The following ZNF385D variants were observed in gnomAD, a reference collection of about 807,000 sequenced individuals.
ZNF385D encodes zinc finger protein 659.
Under a neutral mutation model 35.8 loss-of-function variants are expected in ZNF385D, and 15 were observed. The ratio of observed to expected loss-of-function variants is 0.42; its 90% CI spans 0.28 to 0.64. The LOEUF (loss-of-function observed/expected upper bound fraction) is 0.64. ZNF385D is among the 30% of genes least tolerant of loss of function. The pLI is 0.23. For synonymous variants in ZNF385D, 212 were observed against 186.8 expected (o/e 1.13, Z -1.10); for missense variants, 474 against 494.6 (o/e 0.96, Z 0.39).
At chr3:22,340,850 G>A (rs1219999797) in intron 2 of ZNF385D, among the ~76,000 whole-genome samples, 1 of 152,192 alleles carries the variant, frequency 6.6e-6, no homozygotes, top group Non-Finnish European at 1.5e-5. Flanking sequence ...AGCCAGGGCA[G>A]GAGCCATGTC....
intron 3 of ZNF385D, among the ~76,000 whole-genome samples, chr3:22,141,675 G>C (rs934095958): frequency 6.6e-6 from 1 of 152,284 alleles, no homozygotes; most frequent in Admixed American, 6.5e-5. Flanking sequence ...GGGGGAGGAG[G>C]AGGAGGAGGG....
chr3:21,545,032 A>C (rs1300078411), intron 3 of ZNF385D, among the ~76,000 whole-genome samples: 1 of 152,212 alleles, frequency 6.6e-6, no homozygotes, highest in African/African-American at 2.4e-5. Context: ...TATGTTCGAA[A>C]ATTGTATGGG....
chr3:22,164,134 A>C (rs889747100), intron 3 of ZNF385D, among the ~76,000 whole-genome samples: 1 of 151,938 alleles, frequency 6.6e-6, no homozygotes, highest in Admixed American at 6.6e-5. Context: ...TCGCTTGTGA[A>C]ATTTATGGCA....
intron 3 of ZNF385D, among the ~76,000 whole-genome samples, chr3:22,136,650 G>A (rs1462314097): frequency 6.6e-6 from 1 of 152,100 alleles, no homozygotes; most frequent in Non-Finnish European, 1.5e-5. Context: ...CAAGCATATC[G>A]CTTTATTAAT....
intron 2 of ZNF385D, among the ~76,000 whole-genome samples, chr3:21,565,159 T>TAATA (rs1266490558): frequency 1.3e-5 from 2 of 152,052 alleles, no homozygotes; most frequent in African/African-American, 4.8e-5. Context: ...TTAGACTCTA[T>TAATA]AATATACAAG....
chr3:22,155,291 T>TG (rs1705514423), intron 3 of ZNF385D, among the ~76,000 whole-genome samples: 2 of 152,102 alleles, frequency 1.3e-5, no homozygotes, highest in African/African-American at 2.4e-5. Flanking sequence ...ATATGGGATG[T>TG]GGGGTCTCCG....
chr3:22,265,926 C>A (rs1018107511), intron 2 of ZNF385D, among the ~76,000 whole-genome samples: 6 of 151,912 alleles, frequency 3.9e-5, no homozygotes, highest in African/African-American at 1.2e-4. Flanking sequence ...GATCTGAACC[C>A]AGTTCCATAC....
At chr3:21,793,391 C>T (rs1398074231) in intron 3 of ZNF385D, among the ~76,000 whole-genome samples, 3 of 152,150 alleles carry the variant, frequency 2.0e-5, no homozygotes, top group Non-Finnish European at 2.9e-5. Flanking sequence ...ACCCATTTTG[C>T]AGATAGAGGG....
intron 3 of ZNF385D, among the ~76,000 whole-genome samples, chr3:21,924,443 G>A (rs1700626280): frequency 1.3e-5 from 2 of 152,178 alleles, no homozygotes; most frequent in Non-Finnish European, 2.9e-5. Context: ...AGGGACAGAA[G>A]AGGGGCAACC....
At chr3:21,750,782 G>C in intron 1 of ZNF385D, 113 bp downstream of exon 1, 1 of 1,343,230 alleles carries the variant, frequency 7.4e-7, no homozygotes, top group Non-Finnish European at 1.1e-6. Context: ...TTGCCAACTG[G>C]AGGTAGGTTT....
At chr3:22,286,639 T>C (rs1001122450) in intron 2 of ZNF385D, among the ~76,000 whole-genome samples, 1 of 152,188 alleles carries the variant, frequency 6.6e-6, no homozygotes, top group Admixed American at 6.5e-5. Context: ...TATTACTTTC[T>C]TATTTGACTC....
chr3:21,649,318 T>A (rs1266978414), intron 2 of ZNF385D, among the ~76,000 whole-genome samples: 1 of 151,872 alleles, frequency 6.6e-6, no homozygotes, highest in African/African-American at 2.4e-5. Flanking sequence ...AGAAAAAGAG[T>A]CCACACTGAA....
At chr3:22,234,699 TTATA>T (rs1352606152) in intron 2 of ZNF385D, among the ~76,000 whole-genome samples, 2 of 152,086 alleles carry the variant, frequency 1.3e-5, no homozygotes, top group Non-Finnish European at 2.9e-5. Context: ...TATTTGCTAA[TTATA>T]TATCTCTTTG....
intron 3 of ZNF385D, among the ~76,000 whole-genome samples, chr3:22,167,000 A>T (rs572197401): frequency 1.3e-5 from 2 of 152,352 alleles, no homozygotes; most frequent in Admixed American, 6.5e-5. Context: ...TAGAGACTGA[A>T]ATATACATTT....
intron 3 of ZNF385D, among the ~76,000 whole-genome samples, chr3:21,806,911 T>G (rs1430312059): frequency 6.6e-6 from 1 of 152,136 alleles, no homozygotes; most frequent in Non-Finnish European, 1.5e-5. Context: ...CAGAGCCAAG[T>G]TTGGAAAACA....
chr3:21,561,224 C>G (rs2062934852), intron 3 of ZNF385D, among the ~76,000 whole-genome samples: 3 of 152,310 alleles, frequency 2.0e-5, no homozygotes, highest in Non-Finnish European at 1.5e-5. Flanking sequence ...AGCTTGGTTT[C>G]TGTCCAAACA....
chr3:21,730,732 G>A (rs1265179134), intron 1 of ZNF385D, among the ~76,000 whole-genome samples: 1 of 152,234 alleles, frequency 6.6e-6, no homozygotes, highest in East Asian at 1.9e-4. Flanking sequence ...GCTTATAGTA[G>A]TGTAGCTATC....
intron 3 of ZNF385D, among the ~76,000 whole-genome samples, chr3:22,001,596 G>C (rs1189035895): frequency 6.6e-6 from 1 of 151,930 alleles, no homozygotes; most frequent in Non-Finnish European, 1.5e-5. Context: ...AGAAACACTG[G>C]ATTTAAACTG....
intron 2 of ZNF385D, among the ~76,000 whole-genome samples, chr3:22,286,349 ACT>A (rs920056066): frequency 7.4e-4 from 112 of 151,822 alleles, no homozygotes; most frequent in African/African-American, 2.5e-3. Context: ...CAATAAACCA[ACT>A]CTTAGTTCAA....
Sources: allele counts gnomAD v4.1 joint callset (sites outside exome capture counted in the v4.1 genomes callset), GRCh38; gene constraint gnomAD v4.1.1; transcripts MANE v1.5; gene names NCBI Gene and HGNC (gene_info 2026-07-23, HGNC 2026-07-21).